Variants in ADAM32 observed in about 807,000 individuals in gnomAD.
ADAM32 encodes ADAM metallopeptidase domain 32, also known as disintegrin and metalloproteinase domain-containing protein 32.
A neutral mutation model predicts 114.9 loss-of-function variants in ADAM32; 89 were observed. The observed-to-expected ratio is 0.77, with a 90% CI of 0.65 to 0.92. ADAM32 has a LOEUF of 0.92. Among genes scored for constraint, ADAM32 ranks in the 40% least tolerant of loss-of-function variants. The pLI is 0.00. For synonymous variants in ADAM32, 285 were observed against 307.5 expected (o/e 0.93, Z 0.77); for missense variants, 870 against 932.8 (o/e 0.93, Z 0.88).
chr8:39,201,663 T>C (rs1408775628), intron 11 of ADAM32, among the ~76,000 whole-genome samples: 2 of 152,234 alleles, frequency 1.3e-5, no homozygotes, highest in Non-Finnish European at 2.9e-5. Flanking sequence ...TCCAACAGTA[T>C]GTTGAATACG....
At chr8:39,203,586 A>G (rs1014101220) in intron 11 of ADAM32, among the ~76,000 whole-genome samples, 5 of 152,046 alleles carry the variant, frequency 3.3e-5, no homozygotes, top group African/African-American at 7.3e-5. Context: ...TCTTTATCCA[A>G]TTTGCCAGTC....
intron 19 of ADAM32, among the ~76,000 whole-genome samples, chr8:39,264,588 A>T (rs773920967): frequency 1.3e-5 from 2 of 151,942 alleles, no homozygotes; most frequent in South Asian, 4.2e-4. Flanking sequence ...ATTTTCTTCT[A>T]GCTTTGGGGT....
intron 10 of ADAM32, among the ~76,000 whole-genome samples, chr8:39,181,734 T>C (rs956475365): frequency 6.6e-6 from 1 of 152,172 alleles, no homozygotes; most frequent in African/African-American, 2.4e-5. Context: ...TTAGGAACAG[T>C]GAAAATGTGG....
chr8:39,146,651 T>C (rs1174915082), intron 3 of ADAM32, among the ~76,000 whole-genome samples: 4 of 152,186 alleles, frequency 2.6e-5, no homozygotes, highest in African/African-American at 9.6e-5. Flanking sequence ...CCTCAGGTGA[T>C]CTGCCCACCT....
intron 19 of ADAM32, among the ~76,000 whole-genome samples, chr8:39,265,196 T>C: frequency 6.6e-6 from 1 of 152,218 alleles, no homozygotes; most frequent in East Asian, 1.9e-4. Context: ...TGGGCCCATA[T>C]ATATTTAGGA....
chr8:39,198,787 T>C (rs1807188987), intron 11 of ADAM32, among the ~76,000 whole-genome samples: 1 of 152,178 alleles, frequency 6.6e-6, no homozygotes, highest in South Asian at 2.1e-4. Flanking sequence ...TTTTCTTTTC[T>C]CATCTATTCC....
intron 3 of ADAM32, among the ~76,000 whole-genome samples, chr8:39,137,685 C>T (rs553563380): frequency 1.1e-4 from 17 of 151,062 alleles, no homozygotes; most frequent in African/African-American, 1.5e-4. Context: ...GCAGGAGAAT[C>T]GCTTGAACCT....
rs117907699 is a variant in ADAM32 at position 39,115,454 on chromosome 8, C to T, written c.59-2632C>T. On this transcript the variant is annotated intron_variant, in intron 1 of 24. Coordinates refer to ENST00000379907, the MANE Select transcript of ADAM32 (RefSeq NM_145004.7). ...TTTTTTGACTTTTTAATAAGTCATTCTGATTGGTGTGACATGATATGTCAC... is the reference window on the plus strand; with the variant it reads ...TTTTTTGACTTTTTAATAAGTCATTTTGATTGGTGTGACATGATATGTCAC... Among the ~76,000 whole-genome samples the T allele has an allele frequency of 6.7e-3, 1,019 of 152,240 alleles. 8 individuals are homozygous for T. Among genetic ancestry groups the T allele is most frequent in the Non-Finnish European group, 0.01 (694 of 68,016 alleles).
chr8:39,121,044 C>T (rs1410421009), intron 2 of ADAM32, among the ~76,000 whole-genome samples: 1 of 152,002 alleles, frequency 6.6e-6, no homozygotes, highest in Non-Finnish European at 1.5e-5. Flanking sequence ...AATTATTTAG[C>T]AAAAAGGAAC....
At chr8:39,124,507 T>C (rs1801996346) in intron 2 of ADAM32, among the ~76,000 whole-genome samples, 1 of 151,282 alleles carries the variant, frequency 6.6e-6, no homozygotes, top group Non-Finnish European at 1.5e-5. Context: ...AAGCTCCACC[T>C]CCCGGGTTCA....
chr8:39,113,771 T>A (rs1240858253), intron 1 of ADAM32, among the ~76,000 whole-genome samples: 1 of 152,216 alleles, frequency 6.6e-6, no homozygotes, highest in Non-Finnish European at 1.5e-5. Flanking sequence ...ACCAGCATGA[T>A]GTTCTAATGG....
intron 22 of ADAM32, among the ~76,000 whole-genome samples, chr8:39,276,807 C>T (rs921323741): frequency 2.0e-5 from 3 of 152,050 alleles, no homozygotes; most frequent in African/African-American, 7.3e-5. Context: ...AAGGGAGTTA[C>T]CATATAGGGA....
At chr8:39,278,570 C>T (rs1007704001) in intron 22 of ADAM32, among the ~76,000 whole-genome samples, 1 of 152,026 alleles carries the variant, frequency 6.6e-6, no homozygotes, top group Non-Finnish European at 1.5e-5. Context: ...TAACATTACT[C>T]TCCCATATTA....
intron 11 of ADAM32, among the ~76,000 whole-genome samples, chr8:39,206,683 C>T (rs551619827): frequency 3.8e-4 from 58 of 152,330 alleles, no homozygotes; most frequent in African/African-American, 1.3e-3. Flanking sequence ...ATTTCCTGGG[C>T]TATAGACACT....
chr8:39,254,010 G>T (rs6983342), intron 17 of ADAM32, among the ~76,000 whole-genome samples: 8,129 of 151,580 alleles, frequency 0.054, 748 homozygotes, highest in African/African-American at 0.18. Context: ...ACCAGAACAG[G>T]ATGTTACTGT....
chr8:39,246,341 A>G (rs1001744008), intron 17 of ADAM32, among the ~76,000 whole-genome samples, 175 bp downstream of exon 17: 1 of 152,214 alleles, frequency 6.6e-6, no homozygotes, highest in Non-Finnish European at 1.5e-5. Flanking sequence ...TACAGAAGAT[A>G]TATTGAGCAG....
At chr8:39,241,493 A>G (rs573976534) in intron 16 of ADAM32, among the ~76,000 whole-genome samples, 43 of 152,292 alleles carry the variant, frequency 2.8e-4, no homozygotes, top group African/African-American at 1.0e-3. Flanking sequence ...GGACACTCAT[A>G]CATCCTTTGA....
chr8:39,261,488 A>T (rs1020203708), intron 19 of ADAM32, among the ~76,000 whole-genome samples: 7 of 152,180 alleles, frequency 4.6e-5, no homozygotes, highest in African/African-American at 1.4e-4. Context: ...CCGTATCTTG[A>T]CTATTATAAA....
At chr8:39,207,286 G>A (rs1340266835) in intron 11 of ADAM32, among the ~76,000 whole-genome samples, 1 of 152,034 alleles carries the variant, frequency 6.6e-6, no homozygotes, top group Non-Finnish European at 1.5e-5. Flanking sequence ...TTGTGCATGA[G>A]AAAAGTGCCA....
Sources: gnomAD v4.1 joint callset for allele counts (sites outside exome capture counted in the v4.1 genomes callset) on GRCh38, gnomAD v4.1.1 for gene constraint, MANE v1.5 for transcripts, NCBI Gene and HGNC (gene_info 2026-07-23, HGNC 2026-07-21) for gene names.